NR3C2: variants seen among roughly 807,000 people sequenced by gnomAD.
NR3C2 encodes nuclear receptor subfamily 3 group C member 2, also known as mineralocorticoid receptor.
A neutral mutation model predicts 86.4 loss-of-function variants in NR3C2; 15 were observed. The observed-to-expected ratio is 0.17, with a 90% CI of 0.12 to 0.27. The LOEUF is 0.27. NR3C2 is among the 10% of genes least tolerant of loss of function. The pLI is 1.00. For synonymous variants in NR3C2, 458 were observed against 450.5 expected, an observed-to-expected ratio of 1.02 and a Z score of -0.21; for missense variants, 960 against 1,195.6, an observed-to-expected ratio of 0.80 and a Z score of 2.91.
At chr4:148,136,077 C>CAAAAAAAAA (rs1213471911) in intron 6 of NR3C2, among the ~76,000 whole-genome samples, 1 of 28,920 alleles carries the variant, frequency 3.5e-5, no homozygotes, top group Non-Finnish European at 9.3e-5. Flanking sequence ...AAAAAAAAAA[C>CAAAAAAAAA]AAAAAAAAAA....
intron 2 of NR3C2, among the ~76,000 whole-genome samples, chr4:148,325,818 T>C (rs1355530748): frequency 6.6e-6 from 1 of 152,166 alleles, no homozygotes; most frequent in East Asian, 1.9e-4. Context: ...TATCTGGGGG[T>C]GAATCCTTAC....
At chr4:148,240,024 A>G (rs2149846336) in intron 3 of NR3C2, among the ~76,000 whole-genome samples, 1 of 152,194 alleles carries the variant, frequency 6.6e-6, no homozygotes, top group Middle Eastern at 3.4e-3. Context: ...CAGAGGGGCA[A>G]ATAACAGAAG....
At chr4:148,318,287 T>C (rs1743332637) in intron 2 of NR3C2, among the ~76,000 whole-genome samples, 2 of 152,000 alleles carry the variant, frequency 1.3e-5, no homozygotes, top group Non-Finnish European at 1.5e-5. Context: ...GTTGGACATT[T>C]GGGTTCGTTC....
At chr4:148,353,766 A>T (rs1007881913) in intron 2 of NR3C2, among the ~76,000 whole-genome samples, 2 of 152,166 alleles carry the variant, frequency 1.3e-5, no homozygotes, top group Non-Finnish European at 2.9e-5. Context: ...GTCATATTAG[A>T]GGATCTAATA....
intron 2 of NR3C2, among the ~76,000 whole-genome samples, chr4:148,365,730 C>A (rs1004143903): frequency 3.0e-5 from 4 of 132,750 alleles, no homozygotes; most frequent in African/African-American, 1.2e-4. Flanking sequence ...TCTATAATTT[C>A]TATTAGCAGC....
chr4:148,382,185 G>T (rs1445164796), intron 2 of NR3C2, among the ~76,000 whole-genome samples: 1 of 152,156 alleles, frequency 6.6e-6, no homozygotes, highest in Admixed American at 6.5e-5. Context: ...AAGTCAAAGA[G>T]AACAATCTCC....
chr4:148,282,456 C>T (rs1361201101), intron 2 of NR3C2, among the ~76,000 whole-genome samples: 3 of 152,196 alleles, frequency 2.0e-5, no homozygotes, highest in Non-Finnish European at 2.9e-5. Context: ...ATAAATCCTA[C>T]AGGCCAGCCT....
intron 3 of NR3C2, among the ~76,000 whole-genome samples, chr4:148,205,866 A>G (rs1008561886): frequency 1.3e-5 from 2 of 152,300 alleles, no homozygotes; most frequent in Non-Finnish European, 2.9e-5. Flanking sequence ...TCCTACCCAG[A>G]GAAACACACT....
rs1257526988 is a variant in NR3C2, at chr4:148,078,886, G to A, written c.*2458C>T. The A allele has an allele frequency of 6.6e-6, 1 of 152,588 alleles. No individual in the cohort carries two copies. Among genetic ancestry groups the A allele is most frequent in the Admixed American group, 6.5e-5 (1 of 15,274 alleles). 9.5% of individuals were successfully genotyped at this position (152,588 alleles called of 1,614,324 possible). A position where few individuals can be genotyped will look rare whatever the true frequency, so the allele number is the denominator to read the frequency against. Reference sequence around the variant, plus strand: ...AATTTAGTGTTTCTTTAAATTATATGAACTTTTGGTGAATTATGAACTGTA... The same window carrying A: ...AATTTAGTGTTTCTTTAAATTATATAAACTTTTGGTGAATTATGAACTGTA... On this transcript the variant is annotated 3_prime_UTR_variant, in exon 9 of 9. Transcript: ENST00000358102.
chr4:148,318,008 A>G lies in NR3C2; in HGVS notation c.1758-57891T>C, dbSNP rs368043636. 5.6e-5 allele frequency among the ~76,000 whole-genome samples: 8 copies of G among 143,476 alleles called. No individual in the cohort carries two copies. The East Asian group carries it at 1.7e-3, about 31-fold the overall frequency. The allele number at this position is 143,476 out of a possible 152,430, so 94.1% of individuals were successfully genotyped here. A position where few individuals can be genotyped will look rare whatever the true frequency, so the allele number is the denominator to read the frequency against. Reference sequence around the variant, plus strand: ...TCATCTAGCATTAGGTATATCTCCCAATGCTATCCCTCCCCCCTCCCCCCA... The same window carrying G: ...TCATCTAGCATTAGGTATATCTCCCGATGCTATCCCTCCCCCCTCCCCCCA... On this transcript the variant is annotated intron_variant, in intron 2 of 8. Transcript: ENST00000358102.
intron 6 of NR3C2, among the ~76,000 whole-genome samples, chr4:148,136,999 T>C (rs548350297): frequency 6.6e-6 from 1 of 152,356 alleles, no homozygotes; most frequent in South Asian, 2.1e-4. Context: ...TACTACTGAC[T>C]GGCGAAAGGC....
chr4:148,262,753 C>A (rs73855938), intron 2 of NR3C2, among the ~76,000 whole-genome samples: 2 of 152,120 alleles, frequency 1.3e-5, no homozygotes, highest in Admixed American at 1.3e-4. Context: ...ACATAGACAC[C>A]TGCATGAGGA....
intron 2 of NR3C2, among the ~76,000 whole-genome samples, chr4:148,390,600 G>C (rs1383307897): frequency 6.6e-6 from 1 of 152,130 alleles, no homozygotes; most frequent in Non-Finnish European, 1.5e-5. Context: ...TATTCAAGTA[G>C]CTGCTGTTTA....
chr4:148,102,441 C>A (rs1481425682), intron 8 of NR3C2, among the ~76,000 whole-genome samples: 1 of 152,120 alleles, frequency 6.6e-6, no homozygotes, highest in Admixed American at 6.5e-5. Flanking sequence ...GCTCTTCATC[C>A]CCCCTCCCAG....
chr4:148,079,625 GTT>G lies in NR3C2; in HGVS notation c.*1717_*1718del, dbSNP rs1730448106. 6.6e-6 allele frequency: 1 copy of G among 152,562 alleles called. No individual in the cohort carries two copies. Among genetic ancestry groups the G allele is most frequent in the East Asian group, 1.9e-4 (1 of 5,202 alleles). 9.5% of individuals were successfully genotyped at this position (152,562 alleles called of 1,614,324 possible). Reference sequence around the variant, plus strand: ...TGTTAGTTTCCCCAAAGATACATATGTTTGTGATTTGGGGCAAGAGAAAAGCC... The same window carrying G: ...TGTTAGTTTCCCCAAAGATACATATGTGTGATTTGGGGCAAGAGAAAAGCC... On this transcript the variant is annotated 3_prime_UTR_variant, in exon 9 of 9. Transcript: ENST00000358102.
intron 4 of NR3C2, among the ~76,000 whole-genome samples, chr4:148,191,938 G>C (rs1736216530): frequency 6.6e-6 from 1 of 151,778 alleles, no homozygotes; most frequent in African/African-American, 2.4e-5. Context: ...CCTTTCTCTG[G>C]TCCCTCCCTG....
intron 6 of NR3C2, among the ~76,000 whole-genome samples, chr4:148,141,102 A>G (rs899960875): frequency 3.3e-5 from 5 of 152,222 alleles, no homozygotes; most frequent in Non-Finnish European, 7.3e-5. Context: ...AAGAGCACAT[A>G]TTAACAAACC....
intron 7 of NR3C2, among the ~76,000 whole-genome samples, chr4:148,119,862 C>G (rs144097570): frequency 6.6e-6 from 1 of 152,114 alleles, no homozygotes; most frequent in South Asian, 2.1e-4. Flanking sequence ...TTCATTAACC[C>G]TTGTGTTTCC....
rs147461426 is a variant in NR3C2, at chr4:148,435,424, G to A, written c.1437C>T (p.Gly479=). 1.5e-5 allele frequency: 25 copies of A among 1,614,142 alleles called. No homozygotes were observed. In the African/African-American group the frequency reaches 2.3e-4, roughly 15 times the overall value. The change falls in exon 2 of 9, where the codon GGC becomes GGT. Residue 479 remains glycine, a synonymous_variant. Coordinates refer to ENST00000358102, the MANE Select transcript of NR3C2 (RefSeq NM_000901.5). ...LSGILGPPVP[G]FDGNCEGSGF... ...CGCTGCCTTCACAGTTACCATCAAA[G>A]CCGGGCACAGGTGGTCCTAAAATTC...
Sources: gnomAD v4.1 joint callset for allele counts (sites outside exome capture counted in the v4.1 genomes callset) on GRCh38, gnomAD v4.1.1 for gene constraint, MANE v1.5 for transcripts, NCBI Gene and HGNC (gene_info 2026-07-23, HGNC 2026-07-21) for gene names.